Variants in NRG3 observed in about 807,000 individuals in gnomAD.
NRG3 encodes neuregulin 3.
A neutral mutation model predicts 66.9 loss-of-function variants in NRG3; 31 were observed. That is an observed-to-expected ratio of 0.46 (90% CI 0.35 to 0.63). The LOEUF (loss-of-function observed/expected upper bound fraction) is 0.63. NRG3 is among the 20% of genes least tolerant of loss of function. The probability of loss-of-function intolerance (pLI) is 0.00; values close to 1 mark genes in which losing one functional copy is unlikely to be tolerated. For missense variants in NRG3, 910 were observed against 878.9 expected (o/e 1.04, Z -0.45); for synonymous variants, 393 against 359.4 (o/e 1.09, Z -1.06).
intron 1 of NRG3, among the ~76,000 whole-genome samples, chr10:81,916,898 C>G (rs1190912493): frequency 2.0e-5 from 3 of 152,098 alleles, no homozygotes; most frequent in African/African-American, 7.2e-5. Flanking sequence ...ATGAAATAGG[C>G]ACTATTATTA....
At chr10:82,255,720 A>C (rs543024707) in intron 1 of NRG3, among the ~76,000 whole-genome samples, 1 of 152,156 alleles carries the variant, frequency 6.6e-6, no homozygotes, top group African/African-American at 2.4e-5. Context: ...CTCCTGCCTC[A>C]GCCTCCCAAG....
At chr10:82,646,639 A>G (rs1038456385) in intron 2 of NRG3, among the ~76,000 whole-genome samples, 22 of 152,204 alleles carry the variant, frequency 1.4e-4, no homozygotes, top group Non-Finnish European at 3.1e-4. Context: ...AATAACTATT[A>G]CAATAGGGAA....
intron 1 of NRG3, among the ~76,000 whole-genome samples, chr10:81,980,609 T>G (rs2060299480): frequency 1.3e-5 from 2 of 152,218 alleles, no homozygotes; most frequent in African/African-American, 4.8e-5. Context: ...AAATGGAATC[T>G]GTCTCAGTTT....
At chr10:82,856,339 G>A (rs1242970317) in intron 3 of NRG3, among the ~76,000 whole-genome samples, 1 of 152,118 alleles carries the variant, frequency 6.6e-6, no homozygotes, top group African/African-American at 2.4e-5. Flanking sequence ...CCCATCCTAG[G>A]AATCTAGGAA....
chr10:82,543,956 G>T (rs659561), intron 2 of NRG3, among the ~76,000 whole-genome samples: 14,468 of 152,156 alleles, frequency 0.095, 746 homozygotes, highest in African/African-American at 0.13. Flanking sequence ...AATTGTCAAG[G>T]GAGTCCATAA....
At chr10:82,036,198 G>A (rs1317032150) in intron 1 of NRG3, among the ~76,000 whole-genome samples, 1 of 152,032 alleles carries the variant, frequency 6.6e-6, no homozygotes, top group East Asian at 1.9e-4. Flanking sequence ...GGTAAGAACT[G>A]AGTTGAACCT....
chr10:82,626,304 G>A (rs907759089), intron 2 of NRG3, among the ~76,000 whole-genome samples: 2 of 152,150 alleles, frequency 1.3e-5, no homozygotes, highest in Admixed American at 1.3e-4. Context: ...ATAGAAGAGA[G>A]AAAGAAGCAA....
intron 1 of NRG3, chr10:82,232,596 AT>A (rs1356745609): frequency 3.4e-6 from 2 of 596,290 alleles, no homozygotes; most frequent in African/African-American, 3.7e-5. Flanking sequence ...ACAGACTTTC[AT>A]TGTTTTTCTC....
intron 1 of NRG3, among the ~76,000 whole-genome samples, chr10:82,309,464 T>C (rs1442107229): frequency 4.1e-5 from 6 of 145,078 alleles, no homozygotes; most frequent in Non-Finnish European, 9.2e-5. Flanking sequence ...TGCTTTGCAT[T>C]ACAAAAAAAA....
intron 1 of NRG3, among the ~76,000 whole-genome samples, chr10:81,988,358 C>G (rs2060605987): frequency 6.6e-6 from 1 of 152,134 alleles, no homozygotes; most frequent in South Asian, 2.1e-4. Context: ...GTGAGGAAAC[C>G]AAGATTTACT....
chr10:82,258,131 A>T (rs1421538951), intron 1 of NRG3, among the ~76,000 whole-genome samples: 1 of 152,228 alleles, frequency 6.6e-6, no homozygotes, highest in African/African-American at 2.4e-5. Context: ...CAGATGCAGC[A>T]GTGCTGTAGG....
At chr10:82,093,461 G>A (rs1165885610) in intron 1 of NRG3, among the ~76,000 whole-genome samples, 3 of 152,162 alleles carry the variant, frequency 2.0e-5, no homozygotes, top group Non-Finnish European at 2.9e-5. Context: ...ATAATTTTGA[G>A]CTTATTCCAG....
At chr10:82,348,320 C>G (rs1363838897) in intron 1 of NRG3, among the ~76,000 whole-genome samples, 3 of 148,356 alleles carry the variant, frequency 2.0e-5, no homozygotes, top group South Asian at 4.2e-4. Context: ...TTCTCCTTCA[C>G]TTATGAAGCT....
intron 1 of NRG3, among the ~76,000 whole-genome samples, chr10:82,302,126 G>C (rs911881775): frequency 6.7e-6 from 1 of 149,382 alleles, no homozygotes; most frequent in Non-Finnish European, 1.5e-5. Flanking sequence ...TGATTGTTTA[G>C]CAGTTCTGTT....
intron 4 of NRG3, among the ~76,000 whole-genome samples, chr10:82,917,128 T>A (rs1159101251): frequency 6.6e-6 from 1 of 152,156 alleles, no homozygotes; most frequent in Non-Finnish European, 1.5e-5. Flanking sequence ...AAAGACTTTG[T>A]CAGTAAGGAA....
At chr10:82,734,549 C>T (rs1295461300) in intron 2 of NRG3, among the ~76,000 whole-genome samples, 1 of 152,236 alleles carries the variant, frequency 6.6e-6, no homozygotes, top group African/African-American at 2.4e-5. Context: ...GCCCCCTCCC[C>T]ATTCCCTCCC....
At chr10:82,138,567 G>A (rs368288595) in intron 1 of NRG3, among the ~76,000 whole-genome samples, 68 of 152,256 alleles carry the variant, frequency 4.5e-4, no homozygotes, top group African/African-American at 1.5e-3. Context: ...ATATATGAAA[G>A]GGAGTTTATT....
intron 1 of NRG3, chr10:81,878,118 G>A (rs1350694432): frequency 6.7e-7 from 1 of 1,502,660 alleles, no homozygotes; most frequent in Non-Finnish European, 8.8e-7. Flanking sequence ...ACCCCTCTAT[G>A]CTCTCTTCCT....
chr10:82,799,768 G>C (rs2060957886), intron 3 of NRG3: 1 of 152,128 alleles, frequency 6.6e-6, no homozygotes, highest in African/African-American at 2.4e-5. Context: ...TCTCCAGGCA[G>C]GGTACTGAGC....
Sources: allele counts gnomAD v4.1 joint callset (sites outside exome capture counted in the v4.1 genomes callset), GRCh38; gene constraint gnomAD v4.1.1; transcripts MANE v1.5; gene names NCBI Gene and HGNC (gene_info 2026-07-23, HGNC 2026-07-21).